NFAM1: variants seen among roughly 807,000 people sequenced by gnomAD.
NFAM1 encodes the protein NFAT activation molecule 1.
A neutral mutation model predicts 29.0 loss-of-function variants in NFAM1; 17 were observed. That is an observed-to-expected ratio of 0.59 (90% CI 0.40 to 0.88). NFAM1 has a LOEUF of 0.88. Among genes scored for constraint, NFAM1 ranks in the 40% least tolerant of loss-of-function variants. The pLI is 0.00. For missense variants in NFAM1, 324 were observed against 344.6 expected (o/e 0.94, Z 0.47); for synonymous variants, 175 against 147.2 (o/e 1.19, Z -1.36).
intron 1 of NFAM1, 25 bp from the exon 2 acceptor site, chr22:42,411,761 G>C: frequency 6.4e-7 from 1 of 1,561,834 alleles, no homozygotes; most frequent in Non-Finnish European, 8.8e-7. Flanking sequence ...AAGGGAGAGA[G>C]CAACAGGTCA....
At chr22:42,407,063 C>G (rs1278921476) in intron 3 of NFAM1, among the ~76,000 whole-genome samples, 1 of 150,796 alleles carries the variant, frequency 6.6e-6, no homozygotes, top group African/African-American at 2.5e-5. Context: ...GCATGAGCCA[C>G]CGCACCCGGA....
At chr22:42,400,760 ACAGT>A (rs1437242221) in intron 3 of NFAM1, among the ~76,000 whole-genome samples, 5 of 152,224 alleles carry the variant, frequency 3.3e-5, no homozygotes, top group Non-Finnish European at 5.9e-5. Flanking sequence ...GGGCACCGTC[ACAGT>A]CAGAGGTAGT....
rs144657106 is a variant in NFAM1, at chr22:42,391,893, C to A, written c.664-4815G>T. ...CTGGGAGGCGGAGGTTGCAGTGAGC[C>A]GAGATCACGCCACTGCACTCCAGCC... On this transcript the variant is annotated intron_variant, in intron 4 of 5. Coordinates refer to ENST00000329021, the MANE Select transcript of NFAM1 (RefSeq NM_145912.8). Among the ~76,000 whole-genome samples the A allele has an allele frequency of 8.8e-3, 1,243 of 141,232 alleles. 5 individuals carry two copies. Among genetic ancestry groups the A allele is most frequent in the Non-Finnish European group, 0.013 (840 of 67,066 alleles). 92.7% of individuals were successfully genotyped at this position (141,232 alleles called of 152,430 possible).
upstream of NFAM1, chr22:42,432,412 C>G (rs1286550988): frequency 2.7e-6 from 4 of 1,481,300 alleles, no homozygotes; most frequent in Non-Finnish European, 3.6e-6. Flanking sequence ...GGACGGCCGG[C>G]GCTGACAGCT....
chr22:42,428,805 G>C (rs896926991), intron 1 of NFAM1, among the ~76,000 whole-genome samples: 4 of 152,214 alleles, frequency 2.6e-5, no homozygotes, highest in African/African-American at 7.2e-5. Context: ...CTAAGGTGCA[G>C]AGAGGTTAAG....
chr22:42,400,891 T>C (rs1013353728), intron 3 of NFAM1, among the ~76,000 whole-genome samples: 2 of 152,194 alleles, frequency 1.3e-5, no homozygotes, highest in Admixed American at 6.5e-5. Context: ...TGTGAGCTCA[T>C]GGGCAGTGGG....
chr22:42,381,208 G>T lies in NFAM1; in HGVS notation c.*3953C>A, dbSNP rs1422679279. On this transcript the variant is annotated 3_prime_UTR_variant, in exon 6 of 6. Transcript: ENST00000329021. ...CTTAGTTCTGGGCCCCCGCCTGCAA[G>T]CACACGTGGCAAGGAGGGCTTCAGC... The T allele has an allele frequency of 6.5e-6, 1 of 152,790 alleles. No individual in the cohort carries two copies. The highest frequency in any genetic ancestry group is 6.5e-5 in the Admixed American group (1 of 15,284). 9.5% of individuals were successfully genotyped at this position (152,790 alleles called of 1,614,324 possible).
rs910817576 is a variant in NFAM1 at position 42,388,640 on chromosome 22, G to A, written c.664-1562C>T. Among the ~76,000 whole-genome samples, 1 of 152,114 alleles carries A rather than the reference G, an allele frequency of 6.6e-6. No homozygotes were observed. Among genetic ancestry groups the A allele is most frequent in the Non-Finnish European group, 1.5e-5 (1 of 68,014 alleles). ...TGGTGCTCAGAGGCAGGAGGAGGGCGGGAGGCGGGAGGGAAGGAGGGAGGG... is the reference window on the plus strand; with the variant it reads ...TGGTGCTCAGAGGCAGGAGGAGGGCAGGAGGCGGGAGGGAAGGAGGGAGGG... On this transcript the variant is annotated intron_variant, in intron 4 of 5. Coordinates refer to ENST00000329021, the MANE Select transcript of NFAM1 (RefSeq NM_145912.8). The surrounding 1 kb of genome is among the most constrained non-coding windows in gnomAD (Gnocchi z 4.1).
At chr22:42,386,537 A>C (rs981671567) in intron 5 of NFAM1, among the ~76,000 whole-genome samples, 1 of 151,956 alleles carries the variant, frequency 6.6e-6, no homozygotes, top group Non-Finnish European at 1.5e-5. Flanking sequence ...ACCAGCTCAC[A>C]CTCTAGCTCC....
In NFAM1 at chr22:42,409,581, T is replaced by G; in HGVS notation, c.452-34A>C. ...AAGCGCAGGGGAGCAGAGGGGTCAG[T>G]GACCCAGGAGAAAGCGGGGCACACA... On this transcript the variant is annotated intron_variant, in intron 2 of 5. Coordinates refer to ENST00000329021, the MANE Select transcript of NFAM1 (RefSeq NM_145912.8). This position sits in a 1 kb window ranked among gnomAD's most constrained non-coding sequence, Gnocchi z 4.9. The G allele has an allele frequency of 1.7e-6, 2 of 1,146,490 alleles. No homozygotes were observed. Among genetic ancestry groups the G allele is most frequent in the Non-Finnish European group, 2.4e-6 (2 of 821,512 alleles). 71.0% of individuals were successfully genotyped at this position (1,146,490 alleles called of 1,614,324 possible). A position where few individuals can be genotyped will look rare whatever the true frequency, so the allele number is the denominator to read the frequency against.
At chr22:42,435,746 G>GCGCT (rs1345345653), upstream of NFAM1, among the ~76,000 whole-genome samples, 1 of 151,674 alleles carries the variant, frequency 6.6e-6, no homozygotes, top group East Asian at 1.9e-4. Context: ...TGCCCTCAAG[G>GCGCT]CGCTCCCTGT....
chr22:42,397,800 G>C (rs886516494), intron 4 of NFAM1, 58 bp downstream of exon 4: 2 of 961,596 alleles, frequency 2.1e-6, no homozygotes, highest in African/African-American at 3.2e-5. Flanking sequence ...CCTGGTACAA[G>C]ACAGACTCTG....
At chr22:42,424,706 T>C (rs891099888) in intron 1 of NFAM1, among the ~76,000 whole-genome samples, 1 of 151,458 alleles carries the variant, frequency 6.6e-6, no homozygotes, top group African/African-American at 2.4e-5. Context: ...ATGGGCACTG[T>C]GCCTTGGTGG....
chr22:42,435,992 G>T (rs2146566533), upstream of NFAM1, among the ~76,000 whole-genome samples: 1 of 151,868 alleles, frequency 6.6e-6, no homozygotes, highest in African/African-American at 2.4e-5. Flanking sequence ...GCTAATTTTT[G>T]TATTTTTAGT....
intron 1 of NFAM1, among the ~76,000 whole-genome samples, chr22:42,420,470 T>C (rs1240771357): frequency 1.4e-5 from 2 of 140,134 alleles, no homozygotes; most frequent in African/African-American, 5.4e-5. Context: ...AGACCCTCTC[T>C]CAAAAAACAA....
At chr22:42,427,858 C>G (rs1228361627) in intron 1 of NFAM1, among the ~76,000 whole-genome samples, 2 of 152,178 alleles carry the variant, frequency 1.3e-5, no homozygotes, top group Non-Finnish European at 2.9e-5. Context: ...GTGATCCCCC[C>G]ACAAGCTGGG....
At position 42,422,922 on chromosome 22, in the gene NFAM1, G is replaced by A. The variant is rs551470386; in HGVS notation, c.121+9315C>T. Among the ~76,000 whole-genome samples, 25 of 152,124 alleles carry A rather than the reference G, an allele frequency of 1.6e-4. No homozygotes were observed. The East Asian group carries it at 4.8e-3, about 29-fold the overall frequency. Reference sequence around the variant, plus strand: ...GAGGTCAAGAGTTTGAGACCAGCGTGGTCAAGATGGTGAAACCCTGTCTCT... The same window carrying A: ...GAGGTCAAGAGTTTGAGACCAGCGTAGTCAAGATGGTGAAACCCTGTCTCT... On this transcript the variant is annotated intron_variant, in intron 1 of 5. Coordinates refer to ENST00000329021, the MANE Select transcript of NFAM1 (RefSeq NM_145912.8).
At chr22:42,386,264 C>G (rs577453077) in intron 5 of NFAM1, among the ~76,000 whole-genome samples, 50 of 151,912 alleles carry the variant, frequency 3.3e-4, no homozygotes, top group Non-Finnish European at 6.6e-4. Context: ...ATCCCAGCTA[C>G]TCGGGAGGCT....
intron 3 of NFAM1, among the ~76,000 whole-genome samples, chr22:42,404,279 G>A (rs545079688): frequency 9.9e-5 from 15 of 152,052 alleles, no homozygotes; most frequent in East Asian, 1.9e-4. Context: ...TGCCAACCGC[G>A]GTTCGGGTCC....
Sources: gnomAD v4.1 joint callset for allele counts (sites outside exome capture counted in the v4.1 genomes callset) on GRCh38, gnomAD v4.1.1 for gene constraint, Gnocchi (gnomAD v3.1) non-coding constraint, MANE v1.5 for transcripts, NCBI Gene and HGNC (gene_info 2026-07-23, HGNC 2026-07-21) for gene names.